Variants in MED1 observed in about 807,000 individuals in gnomAD.
MED1 encodes mediator of RNA polymerase II transcription subunit 1.
Under a neutral mutation model 121.3 loss-of-function variants are expected in MED1, and 17 were observed. That is an observed-to-expected ratio of 0.14 (90% CI 0.10 to 0.21). The LOEUF is 0.21. MED1 is among the 10% of genes least tolerant of loss of function. MED1 has a pLI of 1.00. For synonymous variants in MED1, 661 were observed against 694.4 expected, an observed-to-expected ratio of 0.95 and a Z score of 0.76; for missense variants, 1,558 against 1,919.4, an observed-to-expected ratio of 0.81 and a Z score of 3.52.
intron 5 of MED1, among the ~76,000 whole-genome samples, chr17:39,439,988 AGG>A (rs1309962361): frequency 2.6e-4 from 29 of 113,346 alleles, no homozygotes; most frequent in African/African-American, 8.4e-4. Flanking sequence ...GAAAGAAAGA[AGG>A]AAGGAAGGAA....
Position 39,440,802 on chromosome 17 carries a change from T to C in MED1, c.212-125A>G. 1.1e-6 allele frequency: 1 copy of C among 929,246 alleles called. No individual in the cohort carries two copies. Among genetic ancestry groups the C allele is most frequent in the East Asian group, 2.5e-5 (1 of 40,708 alleles). 57.6% of individuals were successfully genotyped at this position (929,246 alleles called of 1,614,324 possible). A position where few individuals can be genotyped will look rare whatever the true frequency, so the allele number is the denominator to read the frequency against. ...TATTCAGTAGTTCAAATGCTTGTAATTTACATAAAGTTCACTGATTAGGGT... is the reference window on the plus strand; with the variant it reads ...TATTCAGTAGTTCAAATGCTTGTAACTTACATAAAGTTCACTGATTAGGGT... On this transcript the variant is annotated intron_variant, in intron 3 of 16. Coordinates refer to ENST00000300651, the MANE Select transcript of MED1 (RefSeq NM_004774.4). This position sits in a 1 kb window ranked among gnomAD's most constrained non-coding sequence, Gnocchi z 4.1.
In MED1 at chr17:39,447,881, T is replaced by C. The variant is rs940440140; in HGVS notation, c.49A>G (p.Ser17Gly). The part of the protein sequence containing the change: ...TEESEKLSKM[S>G]SLLERLHAKF... ...GCATGGAGCCGTTCCAGGAGAGAAC[T>C]CATCTTACTCAGCTTTTCTGACTCT... The change falls in exon 2 of 17, where the codon AGT becomes GGT. Residue 17 changes from serine (S) to glycine (G), a missense_variant. Transcript: ENST00000300651. The C allele has an allele frequency of 1.2e-6, 2 of 1,612,230 alleles. No individual in the cohort carries two copies. Among genetic ancestry groups the C allele is most frequent in the African/African-American group, 2.7e-5 (2 of 74,896 alleles).
At chr17:39,425,385 G>T (rs1331780279) in intron 10 of MED1, among the ~76,000 whole-genome samples, 2 of 152,114 alleles carry the variant, frequency 1.3e-5, no homozygotes, top group Non-Finnish European at 2.9e-5. Flanking sequence ...TAGAGATGGG[G>T]GTTTCATCAG....
rs1272791449 is a variant in MED1 at position 39,447,646 on chromosome 17, T to C, written c.132+152A>G. 7.8e-5 allele frequency: 36 copies of C among 463,612 alleles called. No homozygotes were observed. In the East Asian group the frequency reaches 1.1e-3, roughly 14 times the overall value. 28.7% of individuals were successfully genotyped at this position (463,612 alleles called of 1,614,324 possible). Reference sequence around the variant, plus strand: ...CATTTCATATAAGGGATATTCAACCTGTAGTATAGATACAATAGACTCCTA... The same window carrying C: ...CATTTCATATAAGGGATATTCAACCCGTAGTATAGATACAATAGACTCCTA... On this transcript the variant is annotated intron_variant, in intron 2 of 16. Coordinates refer to ENST00000300651, the MANE Select transcript of MED1 (RefSeq NM_004774.4).
At chr17:39,416,374 A>G (rs1381774342) in intron 14 of MED1, among the ~76,000 whole-genome samples, 2 of 152,200 alleles carry the variant, frequency 1.3e-5, no homozygotes, top group Admixed American at 6.5e-5. Flanking sequence ...GCAAGCAGAG[A>G]TATAGAGGCT....
Position 39,409,340 on chromosome 17 carries a change from C to T in MED1, c.2881G>A (p.Gly961Arg), listed in dbSNP as rs2048333648. Residue 961 changes from glycine (G) to arginine (R), a missense_variant, in exon 17 of 17, where the codon GGG (glycine) becomes AGG (arginine). Physicochemically the swap from Gly to Arg is moderately radical, Grantham distance 125. This residue lies in a region of MED1 where 793 missense variants were observed against 898.2 expected (regional missense o/e 0.88). Transcript: ENST00000300651. ...TGAGTCTTTTCTTTCCCTAAGTCCC[C>T]AGTGGTCAGTAAAGGACCCTGACTA... ...SGSQGPLLTT[G>R]DLGKEKTQKR... is the part of the protein sequence containing the mutation. 1 of 1,613,924 alleles carries T rather than the reference C, an allele frequency of 6.2e-7. No individual in the cohort carries two copies. Among genetic ancestry groups the T allele is most frequent in the South Asian group, 1.1e-5 (1 of 91,070 alleles).
intron 16 of MED1, among the ~76,000 whole-genome samples, chr17:39,414,549 A>T (rs1597854720): frequency 7.2e-6 from 1 of 138,390 alleles, no homozygotes; most frequent in Admixed American, 7.5e-5. Flanking sequence ...GTTAGCCAGG[A>T]TGGTCTCAAT....
chr17:39,410,334 C>T lies in MED1; in HGVS notation c.1887G>A (p.Pro629=), dbSNP rs749851784. 3.1e-6 allele frequency: 5 copies of T among 1,613,456 alleles called. No individual in the cohort carries two copies. In the African/African-American group the frequency reaches 5.4e-5, roughly 17 times the overall value. ...TGCCGGCCATCGAAGAGACAGGTGGCGGCGTGTGATGAGGAGGGGTCGGAC... is the reference window on the plus strand; with the variant it reads ...TGCCGGCCATCGAAGAGACAGGTGGTGGCGTGTGATGAGGAGGGGTCGGAC... ...GSSPTPPHHT[P]PPVSSMAGNT... is the part of the protein sequence containing the mutation. Residue 629 remains proline, a synonymous_variant, in exon 17 of 17, where the codon CCG becomes CCA. Coordinates refer to ENST00000300651, the MANE Select transcript of MED1 (RefSeq NM_004774.4).
intron 13 of MED1, among the ~76,000 whole-genome samples, chr17:39,423,090 C>T (rs559303404): frequency 6.6e-6 from 1 of 151,858 alleles, no homozygotes; most frequent in South Asian, 2.1e-4. Flanking sequence ...TGGTCTCGAA[C>T]TCCTGACCTC....
intron 9 of MED1, among the ~76,000 whole-genome samples, chr17:39,429,443 C>T (rs1470811715): frequency 6.6e-6 from 1 of 151,994 alleles, no homozygotes; most frequent in Non-Finnish European, 1.5e-5. Context: ...CGCCTATAAT[C>T]CCAGCACTTT....
intron 9 of MED1, among the ~76,000 whole-genome samples, chr17:39,429,018 T>C (rs998735714): frequency 3.3e-5 from 5 of 150,408 alleles, no homozygotes; most frequent in African/African-American, 1.2e-4. Flanking sequence ...TTTCACACAA[T>C]TGATTTAAAA....
chr17:39,407,099 A>T lies in MED1; in HGVS notation c.*376T>A. The T allele has an allele frequency of 1.0e-6, 1 of 999,526 alleles. No homozygotes were observed. Among genetic ancestry groups the T allele is most frequent in the African/African-American group, 1.7e-5 (1 of 57,756 alleles). 61.9% of individuals were successfully genotyped at this position (999,526 alleles called of 1,614,324 possible). A position where few individuals can be genotyped will look rare whatever the true frequency, so the allele number is the denominator to read the frequency against. On this transcript the variant is annotated 3_prime_UTR_variant, in exon 17 of 17. Transcript: ENST00000300651. ...CCCAGCCCTTCATATACATGCACTA[A>T]AATGAGTTTAAAACATGGCCTAAAA...
At chr17:39,450,445 C>T (rs2048771444) in intron 1 of MED1, among the ~76,000 whole-genome samples, 2 of 152,216 alleles carry the variant, frequency 1.3e-5, no homozygotes, top group African/African-American at 4.8e-5. Context: ...ACACAGTTCA[C>T]TGTATCAACA....
chr17:39,406,963 A>C lies in MED1; in HGVS notation c.*512T>G, dbSNP rs552865494. On this transcript the variant is annotated 3_prime_UTR_variant, in exon 17 of 17. Transcript: ENST00000300651. ...CACCAAACATTACTTAAGTGTCCAA[A>C]ATGACCAAAGTCCTTCATTTGCCCA... The C allele has an allele frequency of 3.2e-4, 313 of 986,494 alleles. No homozygotes were observed. In the Middle Eastern group the frequency reaches 3.7e-3, roughly 12 times the overall value. The allele number at this position is 986,494 out of a possible 1,614,324, so 61.1% of individuals were successfully genotyped here. A position where few individuals can be genotyped will look rare whatever the true frequency, so the allele number is the denominator to read the frequency against.
intron 9 of MED1, 87 bp from the exon 10 acceptor site, chr17:39,427,877 T>C (rs2144745830): frequency 1.2e-6 from 1 of 820,790 alleles, no homozygotes; most frequent in Non-Finnish European, 1.9e-6. Flanking sequence ...TAAACCGATA[T>C]TCAAGAAAGT....
intron 9 of MED1, among the ~76,000 whole-genome samples, chr17:39,430,641 T>C (rs1258316758): frequency 6.8e-6 from 1 of 146,042 alleles, no homozygotes; most frequent in Non-Finnish European, 1.5e-5. Context: ...TGCAGTGAGC[T>C]GAGATCGCGC....
Position 39,440,399 on chromosome 17 carries a change from C to A in MED1, c.386G>T (p.Gly129Val). The change falls in exon 5 of 17, where the codon GGG becomes GTG. Residue 129 changes from glycine to valine, a missense_variant. Gly to Val is a moderately radical substitution (Grantham distance 109, BLOSUM62 -3). Coordinates refer to ENST00000300651, the MANE Select transcript of MED1 (RefSeq NM_004774.4). This position sits in a 1 kb window ranked among gnomAD's most constrained non-coding sequence, Gnocchi z 4.1. ...QLCDVKVAHH[G>V]ENPVSCPELV... ...AACAACACATACCACAGGATTCTCCCCATGGTGAGCCACTTTTACATCACA... is the reference window on the plus strand; with the variant it reads ...AACAACACATACCACAGGATTCTCCACATGGTGAGCCACTTTTACATCACA... 6.4e-7 allele frequency: 1 copy of A among 1,572,410 alleles called. No individual in the cohort carries two copies. The highest frequency in any genetic ancestry group is 8.6e-7 in the Non-Finnish European group (1 of 1,167,056).
chr17:39,409,402 G>C lies in MED1; in HGVS notation c.2819C>G (p.Ala940Gly), dbSNP rs373522765. The C allele has an allele frequency of 1.9e-5, 30 of 1,614,122 alleles. No homozygotes were observed. Among genetic ancestry groups the C allele is most frequent in the Non-Finnish European group, 2.5e-5 (29 of 1,180,034 alleles). ...DFSIISVAGK[A>G]LAPADLMEHH... Reference sequence around the variant, plus strand: ...CTCCATAAGATCTGCAGGAGCTAAAGCTTTGCCGGCTACTGAAATAATACT... The same window carrying C: ...CTCCATAAGATCTGCAGGAGCTAAACCTTTGCCGGCTACTGAAATAATACT... The change falls in exon 17 of 17, where the codon GCT becomes GGT. Residue 940 changes from alanine (A) to glycine (G), a missense_variant. Transcript: ENST00000300651.
chr17:39,432,177 T>C (rs1227674645), intron 7 of MED1, among the ~76,000 whole-genome samples, 161 bp from the exon 8 acceptor site: 1 of 151,510 alleles, frequency 6.6e-6, no homozygotes, highest in Non-Finnish European at 1.5e-5. Context: ...ACCCCATCTC[T>C]ACTAAAACTA....
Sources: gnomAD v4.1 joint callset for allele counts (sites outside exome capture counted in the v4.1 genomes callset) on GRCh38, gnomAD v4.1.1 for gene constraint, gnomAD v4.1.1 regional missense constraint, Gnocchi (gnomAD v3.1) non-coding constraint, MANE v1.5 for transcripts, NCBI Gene and HGNC (gene_info 2026-07-23, HGNC 2026-07-21) for gene names.